The following CWF19L2 variants were observed in gnomAD, a reference collection of about 807,000 sequenced individuals.
The protein encoded by CWF19L2 is CWF19 like cell cycle control factor 2.
Under a neutral mutation model 111.7 loss-of-function variants are expected in CWF19L2, and 98 were observed. The ratio of observed to expected loss-of-function variants is 0.88; its 90% CI spans 0.75 to 1.04. The LOEUF is 1.04. CWF19L2 is among the 50% of genes least tolerant of loss of function. The probability of loss-of-function intolerance (pLI) is 0.00; values close to 1 mark genes in which losing one functional copy is unlikely to be tolerated. For missense variants in CWF19L2, 1,101 were observed against 1,051.4 expected, an observed-to-expected ratio of 1.05 and a Z score of -0.65; for synonymous variants, 351 against 342.9, an observed-to-expected ratio of 1.02 and a Z score of -0.26.
chr11:107,343,027 A>G (rs1480995620), intron 14 of CWF19L2, among the ~76,000 whole-genome samples: 1 of 152,164 alleles, frequency 6.6e-6, no homozygotes, highest in Non-Finnish European at 1.5e-5. Flanking sequence ...TTTTAGCCCC[A>G]TAAGACTCAC....
intron 12 of CWF19L2, among the ~76,000 whole-genome samples, chr11:107,370,549 GAA>G (rs11376850): frequency 3.3e-5 from 4 of 119,898 alleles, no homozygotes; most frequent in Non-Finnish European, 5.1e-5. Context: ...TTCTTCAAGG[GAA>G]AAAAAAAAAA....
At chr11:107,419,464 T>C (rs1565276370) in intron 8 of CWF19L2, among the ~76,000 whole-genome samples, 1 of 151,852 alleles carries the variant, frequency 6.6e-6, no homozygotes, top group Admixed American at 6.6e-5. Context: ...GGCAAATAAG[T>C]AGAAAAACAC....
At chr11:107,395,344 C>A (rs1256305292) in intron 10 of CWF19L2, among the ~76,000 whole-genome samples, 1 of 152,166 alleles carries the variant, frequency 6.6e-6, no homozygotes, top group Non-Finnish European at 1.5e-5. Context: ...TCCAATTAAA[C>A]CTCTTTCTTT....
intron 12 of CWF19L2, among the ~76,000 whole-genome samples, chr11:107,381,176 C>A (rs1860681101): frequency 6.6e-6 from 1 of 152,040 alleles, no homozygotes; most frequent in Non-Finnish European, 1.5e-5. Context: ...CAAAATATTT[C>A]AATTTATTAA....
intron 12 of CWF19L2, among the ~76,000 whole-genome samples, chr11:107,362,514 C>A (rs1860369246): frequency 6.6e-6 from 1 of 152,096 alleles, no homozygotes; most frequent in Admixed American, 6.5e-5. Flanking sequence ...GGGTCCCTGA[C>A]CCCTGACCCC....
intron 10 of CWF19L2, among the ~76,000 whole-genome samples, chr11:107,401,713 A>C (rs1861002385): frequency 6.6e-6 from 1 of 152,172 alleles, no homozygotes; most frequent in Non-Finnish European, 1.5e-5. Context: ...ATCACTCTTC[A>C]CAGAATTAGA....
At chr11:107,361,034 G>C (rs1013349607) in intron 12 of CWF19L2, among the ~76,000 whole-genome samples, 3 of 152,148 alleles carry the variant, frequency 2.0e-5, no homozygotes, top group South Asian at 4.1e-4. Context: ...CTAGATCAAT[G>C]TCCAGAAGAG....
chr11:107,450,655 A>T (rs1861765280), intron 3 of CWF19L2, among the ~76,000 whole-genome samples: 1 of 152,164 alleles, frequency 6.6e-6, no homozygotes. Context: ...CAATATATAA[A>T]AAAGGTACAT....
chr11:107,365,670 T>C (rs1175979330), intron 12 of CWF19L2, among the ~76,000 whole-genome samples: 1 of 98,458 alleles, frequency 1.0e-5, no homozygotes, highest in Non-Finnish European at 2.0e-5. Flanking sequence ...TGATGGGACG[T>C]ATCTCAAAAT....
At chr11:107,384,012 T>G (rs1860729995) in intron 12 of CWF19L2, among the ~76,000 whole-genome samples, 1 of 152,236 alleles carries the variant, frequency 6.6e-6, no homozygotes, top group African/African-American at 2.4e-5. Context: ...ACTAGCCTAA[T>G]AAGCTCCATA....
intron 13 of CWF19L2, among the ~76,000 whole-genome samples, chr11:107,351,944 G>A (rs1366046738): frequency 6.6e-6 from 1 of 152,130 alleles, no homozygotes; most frequent in Non-Finnish European, 1.5e-5. Context: ...CTAAATTTTG[G>A]TGTAGTTCAT....
chr11:107,429,928 T>C (rs897119263), intron 7 of CWF19L2, among the ~76,000 whole-genome samples: 4 of 151,644 alleles, frequency 2.6e-5, no homozygotes, highest in African/African-American at 9.7e-5. Context: ...GAAAACTAAA[T>C]TAACCTGGGA....
At chr11:107,394,900 A>C (rs76709499) in intron 10 of CWF19L2, among the ~76,000 whole-genome samples, 2,654 of 152,304 alleles carry the variant, frequency 0.017, 59 homozygotes, top group African/African-American at 0.059. Flanking sequence ...TCTGCAGGGA[A>C]CATTTATCAC....
chr11:107,397,021 TG>T (rs763730307), intron 10 of CWF19L2, among the ~76,000 whole-genome samples: 1 of 152,140 alleles, frequency 6.6e-6, no homozygotes, highest in Non-Finnish European at 1.5e-5. Flanking sequence ...GGGATCTCGC[TG>T]GGTCCCCAAA....
intron 12 of CWF19L2, among the ~76,000 whole-genome samples, chr11:107,378,762 T>TATAATA (rs903512864): frequency 2.0e-5 from 3 of 151,924 alleles, no homozygotes; most frequent in Non-Finnish European, 4.4e-5. Flanking sequence ...AAGCTTAAAG[T>TATAATA]ATAATAATAA....
intron 8 of CWF19L2, among the ~76,000 whole-genome samples, chr11:107,421,054 C>A (rs1481774188): frequency 2.0e-5 from 3 of 152,094 alleles, no homozygotes; most frequent in Non-Finnish European, 4.4e-5. Flanking sequence ...GCTATACAAA[C>A]AGTCTCATAA....
In CWF19L2 at chr11:107,326,970, T is replaced by C. The variant is rs751710279; in HGVS notation, c.2625A>G (p.Lys875=). Residue 875 remains lysine, a synonymous_variant, in exon 18 of 18, where the codon AAA becomes AAG. Transcript: ENST00000282251. ...IRESFEDQRK[K]ALQFAQWWKP... is the part of the protein sequence containing the mutation. ...TCCACCACTGAGCAAACTGCAGTGC[T>C]TTTTTCCTCTGATCCTCAAAGCTTT... 2 of 1,611,310 alleles carry C rather than the reference T, an allele frequency of 1.2e-6. No individual in the cohort carries two copies. Among genetic ancestry groups the C allele is most frequent in the South Asian group, 1.1e-5 (1 of 90,704 alleles).
intron 12 of CWF19L2, among the ~76,000 whole-genome samples, chr11:107,362,235 G>A (rs541702147): frequency 3.3e-5 from 5 of 151,988 alleles, no homozygotes; most frequent in Admixed American, 6.6e-5. Flanking sequence ...AGGCGGCAGC[G>A]AGGCAGGGGG....
At chr11:107,403,857 G>T in intron 10 of CWF19L2, 1 of 803,232 alleles carries the variant, frequency 1.2e-6, no homozygotes, top group Non-Finnish European at 2.2e-6. Flanking sequence ...GTGCTTTCTA[G>T]GAATTTCCTC....
Sources: gnomAD v4.1 joint callset for allele counts (sites outside exome capture counted in the v4.1 genomes callset) on GRCh38, gnomAD v4.1.1 for gene constraint, MANE v1.5 for transcripts, NCBI Gene and HGNC (gene_info 2026-07-23, HGNC 2026-07-21) for gene names.